HUNK: variants seen among roughly 807,000 people sequenced by gnomAD.
HUNK encodes the protein hormonally up-regulated neu tumor-associated kinase.
HUNK carries 21 observed loss-of-function variants against 61.0 expected under a neutral mutation model. The ratio of observed to expected loss-of-function variants is 0.34; its 90% confidence interval spans 0.24 to 0.50. The LOEUF is 0.50. Ranked by LOEUF, HUNK falls within the 20% of genes least tolerant of loss-of-function variation. The pLI is 0.98. For synonymous variants in HUNK, 371 were observed against 386.1 expected (o/e 0.96, Z 0.46); for missense variants, 772 against 945.7 (o/e 0.82, Z 2.41).
chr21:31,934,661 C>T (rs2052720444), intron 2 of HUNK, among the ~76,000 whole-genome samples: 1 of 152,140 alleles, frequency 6.6e-6, no homozygotes, highest in South Asian at 2.1e-4. Context: ...CCTCCTCTTT[C>T]CCACCCTTCT....
intron 6 of HUNK, chr21:31,974,322 CA>C (rs113469359): frequency 0.015 from 4,726 of 319,324 alleles, 16 homozygotes; most frequent in African/African-American, 0.029. Context: ...AATACTTCAG[CA>C]AAAAAAAAAT....
At chr21:31,912,902 G>A (rs1435429962) in intron 1 of HUNK, among the ~76,000 whole-genome samples, 2 of 152,192 alleles carry the variant, frequency 1.3e-5, no homozygotes, top group South Asian at 2.1e-4. Flanking sequence ...TTTAATGTTT[G>A]AAGGGAAGGC....
At chr21:31,918,596 C>T (rs1418183500) in intron 1 of HUNK, among the ~76,000 whole-genome samples, 1 of 152,220 alleles carries the variant, frequency 6.6e-6, no homozygotes, top group African/African-American at 2.4e-5. Context: ...CTTCTTCTCC[C>T]AGCCCCTGGT....
chr21:31,893,183 C>T (rs1405747710), intron 1 of HUNK, among the ~76,000 whole-genome samples: 1 of 151,904 alleles, frequency 6.6e-6, no homozygotes, highest in Non-Finnish European at 1.5e-5. Flanking sequence ...GAAGCTTCTA[C>T]AGCAACCCGA....
intron 8 of HUNK, among the ~76,000 whole-genome samples, chr21:31,988,716 T>TTTCTTTCTTCCTCTCTTTC (rs1342872439): frequency 6.6e-6 from 1 of 151,668 alleles, no homozygotes; most frequent in Non-Finnish European, 1.5e-5. Context: ...TTTCTTTTTC[T>TTTCTTTCTTCCTCTCTTTC]TTCTTTCTTC....
chr21:31,925,481 A>G (rs2052653548), intron 2 of HUNK, among the ~76,000 whole-genome samples: 1 of 152,228 alleles, frequency 6.6e-6, no homozygotes, highest in South Asian at 2.1e-4. Flanking sequence ...CAGTGTTAAA[A>G]TGGCATGAGA....
At chr21:31,883,410 C>T (rs1334207239) in intron 1 of HUNK, among the ~76,000 whole-genome samples, 2 of 152,124 alleles carry the variant, frequency 1.3e-5, no homozygotes, top group African/African-American at 2.4e-5. Context: ...ACCTTCTCAA[C>T]TGTTTGTACT....
intron 1 of HUNK, among the ~76,000 whole-genome samples, chr21:31,905,060 A>G (rs1228101735): frequency 7.2e-6 from 1 of 138,282 alleles, no homozygotes; most frequent in East Asian, 2.1e-4. Context: ...CCTGGGCAAC[A>G]GAGTGAGACT....
At chr21:31,919,695 G>T (rs946457618) in intron 1 of HUNK, among the ~76,000 whole-genome samples, 1 of 152,144 alleles carries the variant, frequency 6.6e-6, no homozygotes, top group African/African-American at 2.4e-5. Context: ...GAGGGAGTTC[G>T]TGAAGACTCT....
intron 8 of HUNK, among the ~76,000 whole-genome samples, chr21:31,984,566 C>T (rs374305789): frequency 5.3e-5 from 8 of 152,132 alleles, no homozygotes; most frequent in Non-Finnish European, 7.4e-5. Flanking sequence ...AGAAAAAGAA[C>T]ACAACTCTGA....
chr21:31,892,790 C>T (rs1241319712), intron 1 of HUNK, among the ~76,000 whole-genome samples: 2 of 152,084 alleles, frequency 1.3e-5, no homozygotes, highest in African/African-American at 2.4e-5. Flanking sequence ...GACGCCTCTT[C>T]CGTCAACACC....
rs1028003155 is a variant in HUNK at position 31,893,914 on chromosome 21, A to T, written c.261+19979A>T. ...TTTGCTAGAAGTTCTGTCATTTCCA[A>T]TGTGCATCGAAGGCCTCTTTAGCTT... On this transcript the variant is annotated intron_variant, in intron 1 of 10. Coordinates refer to ENST00000270112, the MANE Select transcript of HUNK (RefSeq NM_014586.2). 9.2e-5 allele frequency among the ~76,000 whole-genome samples: 14 copies of T among 152,176 alleles called. 1 individual carries two copies. The highest frequency in any genetic ancestry group is 8.5e-4 in the Admixed American group (13 of 15,270).
intron 1 of HUNK, among the ~76,000 whole-genome samples, chr21:31,900,502 T>C (rs1240623125): frequency 6.9e-6 from 1 of 143,900 alleles, no homozygotes; most frequent in Non-Finnish European, 1.5e-5. Flanking sequence ...CTCGTCATGA[T>C]TTTTCACGAA....
In HUNK at chr21:31,958,881, C is replaced by T. The variant is rs2052908166; in HGVS notation, c.785C>T (p.Pro262Leu). 1 of 1,610,384 alleles carries T rather than the reference C, an allele frequency of 6.2e-7. No individual in the cohort carries two copies. Among genetic ancestry groups the T allele is most frequent in the Non-Finnish European group, 8.5e-7 (1 of 1,178,818 alleles). The change falls in exon 5 of 11, where the codon CCT becomes CTT. Residue 262 changes from proline to leucine, a missense_variant. This residue lies in a region of HUNK where 359 missense variants were observed against 501.3 expected (regional missense o/e 0.72). Transcript: ENST00000270112. ...NMYAMLTGTL[P>L]FTVEPFSLRA... ...TATGCCATGTTGACCGGGACGCTGC[C>T]TTTCACGGTGGAGCCTTTCAGCCTG...
At chr21:31,928,005 A>G (rs941345439) in intron 2 of HUNK, among the ~76,000 whole-genome samples, 4 of 152,208 alleles carry the variant, frequency 2.6e-5, no homozygotes, top group African/African-American at 9.7e-5. Flanking sequence ...GAATCACGCT[A>G]TTTTTGGCTC....
At chr21:31,982,640 C>T (rs1029010601) in intron 7 of HUNK, among the ~76,000 whole-genome samples, 7 of 152,082 alleles carry the variant, frequency 4.6e-5, no homozygotes, top group African/African-American at 1.2e-4. Context: ...TTATTTCACC[C>T]ATTTCCAGAC....
Position 31,966,141 on chromosome 21 carries a change from C to A in HUNK, c.875-2109C>A, listed in dbSNP as rs972320659. Among the ~76,000 whole-genome samples, 5 of 152,126 alleles carry A rather than the reference C, an allele frequency of 3.3e-5. 1 individual carries two copies. Among genetic ancestry groups the A allele is most frequent in the Non-Finnish European group, 7.3e-5 (5 of 68,030 alleles). On this transcript the variant is annotated intron_variant, in intron 5 of 10. Transcript: ENST00000270112. ...ACCTTCATAGCTTAGCTCCCACTTA[C>A]GAGTGAGAATACACAATGTTTGGTT...
At chr21:31,948,531 A>AC (rs141081600) in intron 4 of HUNK, among the ~76,000 whole-genome samples, 2,235 of 151,996 alleles carry the variant, frequency 0.015, 51 homozygotes, top group African/African-American at 0.05. Context: ...GCTGTAGCTG[A>AC]GGGGGCAGGG....
chr21:31,947,971 C>T lies in HUNK; in HGVS notation c.746+1800C>T, dbSNP rs377642291. Among the ~76,000 whole-genome samples the T allele has an allele frequency of 2.6e-5, 4 of 152,336 alleles. No individual in the cohort carries two copies. In the East Asian group the frequency reaches 7.7e-4, roughly 29 times the overall value. On this transcript the variant is annotated intron_variant, in intron 4 of 10. Transcript: ENST00000270112. ...AGGTTGGCAGAAAAGCTAACGCTTACTTAGTGCTTGATGTGTGCCAGACAC... is the reference window on the plus strand; with the variant it reads ...AGGTTGGCAGAAAAGCTAACGCTTATTTAGTGCTTGATGTGTGCCAGACAC...
Sources: allele counts gnomAD v4.1 joint callset (sites outside exome capture counted in the v4.1 genomes callset), GRCh38; gene constraint gnomAD v4.1.1; regional missense constraint gnomAD v4.1.1; transcripts MANE v1.5; gene names NCBI Gene and HGNC (gene_info 2026-07-23, HGNC 2026-07-21).